KCNAB1: variants seen among roughly 807,000 people sequenced by gnomAD.
The protein encoded by KCNAB1 is voltage-gated potassium channel subunit beta-1.
In KCNAB1, 35 loss-of-function variants were observed where a neutral mutation model predicts 64.6. That is an observed-to-expected ratio of 0.54 (90% confidence interval 0.41 to 0.72). The LOEUF (loss-of-function observed/expected upper bound fraction) is 0.72, where lower values mean the gene tolerates loss of function less well. Ranked by LOEUF, KCNAB1 falls within the 30% of genes least tolerant of loss-of-function variation. The pLI is 0.00. For missense variants in KCNAB1, 401 were observed against 512.9 expected, an observed-to-expected ratio of 0.78 and a Z score of 2.11; for synonymous variants, 177 against 183.8, an observed-to-expected ratio of 0.96 and a Z score of 0.30.
intron 1 of KCNAB1, among the ~76,000 whole-genome samples, chr3:156,197,197 G>A (rs1357855505): frequency 1.3e-5 from 2 of 152,112 alleles, no homozygotes; most frequent in African/African-American, 2.4e-5. Context: ...TGCTGGATTC[G>A]GTGTGCTAGT....
chr3:156,383,520 G>A (rs1337203137), intron 1 of KCNAB1, among the ~76,000 whole-genome samples: 1 of 152,058 alleles, frequency 6.6e-6, no homozygotes, highest in Admixed American at 6.5e-5. Context: ...CTGAAAGTCT[G>A]GCATCCTAGG....
chr3:156,460,533 A>T (rs539766952), intron 5 of KCNAB1: 1 of 152,394 alleles, frequency 6.6e-6, no homozygotes, highest in East Asian at 1.9e-4. Flanking sequence ...ATTTCACTAT[A>T]GATTTCAGCC....
chr3:156,345,683 G>A (rs1724439537), intron 1 of KCNAB1, among the ~76,000 whole-genome samples: 2 of 152,188 alleles, frequency 1.3e-5, no homozygotes, highest in South Asian at 4.1e-4. Flanking sequence ...GGTGGCTGGG[G>A]ACAGCTTGAG....
intron 1 of KCNAB1, among the ~76,000 whole-genome samples, chr3:156,320,795 A>G (rs556111651): frequency 1.3e-5 from 2 of 152,278 alleles, no homozygotes; most frequent in East Asian, 1.9e-4. Flanking sequence ...ACGTGTCCAC[A>G]TCTGCCTCCT....
At chr3:156,363,590 C>G (rs957185574) in intron 1 of KCNAB1, among the ~76,000 whole-genome samples, 2 of 152,094 alleles carry the variant, frequency 1.3e-5, no homozygotes, top group African/African-American at 4.8e-5. Context: ...ATTCTGTTGC[C>G]TCAGCCTCCT....
intron 1 of KCNAB1, among the ~76,000 whole-genome samples, chr3:156,304,122 AGTTT>A (rs1721331186): frequency 6.6e-6 from 1 of 152,228 alleles, no homozygotes; most frequent in African/African-American, 2.4e-5. Flanking sequence ...GTAAAATGTT[AGTTT>A]ATCATTTTGC....
intron 1 of KCNAB1, among the ~76,000 whole-genome samples, chr3:156,147,960 C>CACAT (rs200388168): frequency 8.8e-5 from 10 of 113,576 alleles, no homozygotes; most frequent in African/African-American, 4.3e-4. Context: ...CACACACACA[C>CACAT]GCACGCACAC....
chr3:156,427,580 G>C (rs1397362682), intron 2 of KCNAB1, among the ~76,000 whole-genome samples: 1 of 152,170 alleles, frequency 6.6e-6, no homozygotes, highest in Non-Finnish European at 1.5e-5. Flanking sequence ...AATGACAAAA[G>C]GTCCACTGAA....
At chr3:156,218,178 A>T (rs1715440962) in intron 1 of KCNAB1, 1 of 152,352 alleles carries the variant, frequency 6.6e-6, no homozygotes, top group African/African-American at 2.4e-5. Context: ...GGCCTTTAGG[A>T]CTGTGGGCTG....
intron 1 of KCNAB1, among the ~76,000 whole-genome samples, chr3:156,134,557 G>A (rs1189558782): frequency 2.0e-5 from 3 of 152,138 alleles, no homozygotes; most frequent in African/African-American, 7.2e-5. Context: ...ATCTGGAAAG[G>A]TTTCTAAAAA....
intron 1 of KCNAB1, among the ~76,000 whole-genome samples, chr3:156,366,767 C>T (rs1236654415): frequency 6.6e-6 from 1 of 152,246 alleles, no homozygotes; most frequent in African/African-American, 2.4e-5. Flanking sequence ...AATCCAGTAT[C>T]TCTGCATCTT....
At chr3:156,536,017 T>C (rs1270068061) in intron 13 of KCNAB1, among the ~76,000 whole-genome samples, 1 of 152,226 alleles carries the variant, frequency 6.6e-6, no homozygotes, top group Non-Finnish European at 1.5e-5. Context: ...CTGTATACTA[T>C]CACTCCAGTT....
At chr3:156,287,058 C>A (rs1036207266) in intron 1 of KCNAB1, among the ~76,000 whole-genome samples, 1 of 152,088 alleles carries the variant, frequency 6.6e-6, no homozygotes, top group African/African-American at 2.4e-5. Context: ...CACGGGAAGG[C>A]GGGGCAGAGT....
At chr3:156,248,469 ATTTTTTTTT>A (rs33915450) in intron 1 of KCNAB1, among the ~76,000 whole-genome samples, 1 of 100,142 alleles carries the variant, frequency 1.0e-5, no homozygotes, top group African/African-American at 3.9e-5. Context: ...CTGTAATGAG[ATTTTTTTTT>A]TTTTTTTTTT....
chr3:156,511,655 A>G (rs1351311089), intron 8 of KCNAB1, among the ~76,000 whole-genome samples: 2 of 150,152 alleles, frequency 1.3e-5, no homozygotes, highest in Non-Finnish European at 3.0e-5. Context: ...TCATCACCCT[A>G]TTACAAATCA....
intron 6 of KCNAB1, among the ~76,000 whole-genome samples, chr3:156,464,485 A>AAAT (rs796291673): frequency 1.8e-4 from 27 of 147,814 alleles, no homozygotes; most frequent in Middle Eastern, 3.6e-3. Context: ...AATCGCAAAA[A>AAAT]AATAATAATA....
rs564815273 is a variant in KCNAB1, at chr3:156,296,984, T to C, written c.276-124632T>C. The stretch of plus-strand genomic sequence containing the variant: ...GGTTTGGTACAATCCATAGGATTTA[T>C]TCCGATTTTACCAGTTATACATGTA... On this transcript the variant is annotated intron_variant, in intron 1 of 13. Transcript: ENST00000490337. Among the ~76,000 whole-genome samples the C allele has an allele frequency of 3.3e-5, 5 of 152,342 alleles. No individual in the cohort carries two copies. In the South Asian group the frequency reaches 1.0e-3, roughly 32 times the overall value.
At chr3:156,363,405 A>G (rs1319024979) in intron 1 of KCNAB1, among the ~76,000 whole-genome samples, 2 of 152,230 alleles carry the variant, frequency 1.3e-5, no homozygotes, top group Admixed American at 6.5e-5. Context: ...AAATAATCCA[A>G]TTAAATCTGA....
At chr3:156,502,288 T>C (rs1716498130) in intron 8 of KCNAB1, among the ~76,000 whole-genome samples, 1 of 152,096 alleles carries the variant, frequency 6.6e-6, no homozygotes, top group South Asian at 2.1e-4. Context: ...CCAGCACTCA[T>C]TATGAAACCT....
Sources: gnomAD v4.1 joint callset for allele counts (sites outside exome capture counted in the v4.1 genomes callset) on GRCh38, gnomAD v4.1.1 for gene constraint, MANE v1.5 for transcripts, NCBI Gene and HGNC (gene_info 2026-07-23, HGNC 2026-07-21) for gene names.